The following DMTN variants were observed in gnomAD, a reference collection of about 807,000 sequenced individuals.
DMTN encodes the protein dematin actin binding protein.
DMTN carries 27 observed loss-of-function variants against 59.4 expected under a neutral mutation model. The observed-to-expected ratio is 0.45, with a 90% CI of 0.33 to 0.63. The LOEUF (loss-of-function observed/expected upper bound fraction) is 0.63. Ranked by LOEUF, DMTN falls within the 20% of genes least tolerant of loss-of-function variation. The pLI is 0.02. For synonymous variants in DMTN, 221 were observed against 203.7 expected (o/e 1.08, Z -0.72); for missense variants, 451 against 528.9 (o/e 0.85, Z 1.45).
intron 8 of DMTN, among the ~76,000 whole-genome samples, chr8:22,071,815 C>A (rs928187546): frequency 6.6e-6 from 1 of 152,176 alleles, no homozygotes; most frequent in Non-Finnish European, 1.5e-5. Context: ...CTCCTGACCT[C>A]GTGATCCGCC....
chr8:22,053,347 A>G, upstream of DMTN, among the ~76,000 whole-genome samples: 1 of 152,176 alleles, frequency 6.6e-6, no homozygotes, highest in Non-Finnish European at 1.5e-5. Flanking sequence ...CAATGCCCGG[A>G]GGCAGGGGCA....
chr8:22,049,910 T>C (rs1801169969), upstream of DMTN, among the ~76,000 whole-genome samples: 1 of 151,916 alleles, frequency 6.6e-6, no homozygotes, highest in Non-Finnish European at 1.5e-5. Flanking sequence ...CCTCGTCCAG[T>C]GAAAATGGGA....
chr8:22,050,273 C>T (rs751319631), upstream of DMTN, among the ~76,000 whole-genome samples: 10 of 151,798 alleles, frequency 6.6e-5, no homozygotes, highest in Non-Finnish European at 1.3e-4. Context: ...TGGGGGCCCC[C>T]CAGGTGTAGA....
At position 22,082,255 on chromosome 8, in the gene DMTN, C is replaced by T. The variant is rs1016253675; in HGVS notation, c.*792C>T. Reference sequence around the variant, plus strand: ...GAGTGTCCTGGCTACCAGCTCTCACCTACACCCACGCACCCCCCCACACAC... The same window carrying T: ...GAGTGTCCTGGCTACCAGCTCTCACTTACACCCACGCACCCCCCCACACAC... On this transcript the variant is annotated 3_prime_UTR_variant, in exon 16 of 16. Coordinates refer to ENST00000358242, the MANE Select transcript of DMTN (RefSeq NM_001387751.1). 2 of 456,924 alleles carry T rather than the reference C, an allele frequency of 4.4e-6. No individual in the cohort carries two copies. The highest frequency in any genetic ancestry group is 4.0e-5 in the African/African-American group (2 of 50,066). The allele number at this position is 456,924 out of a possible 1,614,324, so 28.3% of individuals were successfully genotyped here. A position where few individuals can be genotyped will look rare whatever the true frequency, so the allele number is the denominator to read the frequency against.
At chr8:22,067,379 A>C (rs1330581476) in intron 3 of DMTN, 148 bp from the exon 4 acceptor site, 44 of 1,266,464 alleles carry the variant, frequency 3.5e-5, no homozygotes, top group Non-Finnish European at 4.7e-5. Flanking sequence ...ATCATGTTTT[A>C]AGGTGACTAA....
chr8:22,079,253 T>C, intron 10 of DMTN, among the ~76,000 whole-genome samples: 1 of 49,728 alleles, frequency 2.0e-5, no homozygotes, highest in Admixed American at 3.0e-4. Context: ...CTACAAAAAA[T>C]AAAAATAAAT....
chr8:22,079,177 A>C (rs569104215), intron 10 of DMTN, among the ~76,000 whole-genome samples: 1 of 150,542 alleles, frequency 6.6e-6, no homozygotes, highest in South Asian at 2.1e-4. Flanking sequence ...TGGGAAGCCA[A>C]GGTGGGAGGA....
rs1415927723 is a variant in DMTN, at chr8:22,070,315, C to G, written c.585C>G (p.Pro195=). 1 of 1,610,392 alleles carries G rather than the reference C, an allele frequency of 6.2e-7. No individual in the cohort carries two copies. The highest frequency in any genetic ancestry group is 1.1e-5 in the South Asian group (1 of 90,498). Residue 195 remains proline (P), a synonymous_variant, in exon 8 of 16, where the codon CCC becomes CCG. Transcript: ENST00000358242. ...TCGAAACCGACTACTGGCCATGCCCCCCGTCTCTGGCTGTTGTGGGTAGGA... is the reference window on the plus strand; with the variant it reads ...TCGAAACCGACTACTGGCCATGCCCGCCGTCTCTGGCTGTTGTGGGTAGGA... The part of the protein sequence containing the change: ...AKIETDYWPC[P]PSLAVVETEW...
chr8:22,056,352 C>T (rs763647578), upstream of DMTN, among the ~76,000 whole-genome samples: 10 of 152,190 alleles, frequency 6.6e-5, no homozygotes, highest in Non-Finnish European at 1.3e-4. Context: ...TGGCCTGTGC[C>T]TGCACCCCCA....
Position 22,080,860 on chromosome 8 carries a change from T to C in DMTN, c.1013T>C (p.Leu338Pro). Reference protein sequence around the residue: ...MDRGNSLPCVLEQKIYPYEML... With the variant: ...MDRGNSLPCVPEQKIYPYEML... ...CGGGGGAACTCCCTGCCCTGTGTGC[T>C]GGAGCAGAAGGTGAGGGGCAGGGGA... The change falls in exon 14 of 16, where the codon CTG (leucine) becomes CCG (proline). Residue 338 changes from leucine to proline, a missense_variant. Physicochemically the swap from Leu to Pro is moderately conservative, Grantham distance 98 (BLOSUM62 -3). Coordinates refer to ENST00000358242, the MANE Select transcript of DMTN (RefSeq NM_001387751.1). The C allele has an allele frequency of 6.3e-7, 1 of 1,577,922 alleles. No individual in the cohort carries two copies. Among genetic ancestry groups the C allele is most frequent in the Non-Finnish European group, 8.6e-7 (1 of 1,159,206 alleles).
intron 1 of DMTN, among the ~76,000 whole-genome samples, chr8:22,066,243 A>G (rs1810509114): frequency 6.6e-6 from 1 of 152,188 alleles, no homozygotes; most frequent in South Asian, 2.1e-4. Context: ...GGCACTCACA[A>G]AGTTTCGGAG....
In DMTN at chr8:22,068,979, C is replaced by T. The variant is rs768048909; in HGVS notation, c.250-37C>T. 1.1e-5 allele frequency: 17 copies of T among 1,608,598 alleles called. No homozygotes were observed. In the South Asian group the frequency reaches 1.7e-4, roughly 16 times the overall value. On this transcript the variant is annotated intron_variant, in intron 4 of 15. Transcript: ENST00000358242. ...AATTCTAGGGAAGAGGCTGAATCTG[C>T]CCCTGTAGCTCTGACCAGCCCCCTC...
At chr8:22,049,892 G>A (rs1408931941), upstream of DMTN, among the ~76,000 whole-genome samples, 1 of 152,172 alleles carries the variant, frequency 6.6e-6, no homozygotes, top group Non-Finnish European at 1.5e-5. Flanking sequence ...GAGGAAGTGG[G>A]GAAGGGCCCT....
intron 1 of DMTN, among the ~76,000 whole-genome samples, chr8:22,061,468 G>A (rs1451937319): frequency 2.0e-5 from 3 of 152,108 alleles, no homozygotes; most frequent in African/African-American, 7.2e-5. Context: ...TGAGTATGGG[G>A]ATATATGACC....
In DMTN at chr8:22,067,023, G is replaced by A. The variant is rs1181013059; in HGVS notation, c.19-62G>A. The A allele has an allele frequency of 7.5e-5, 109 of 1,453,144 alleles. 1 individual carries two copies. The South Asian group carries it at 8.0e-4, about 11-fold the overall frequency. The allele number at this position is 1,453,144 out of a possible 1,614,324, so 90.0% of individuals were successfully genotyped here. A position where few individuals can be genotyped will look rare whatever the true frequency, so the allele number is the denominator to read the frequency against. ...CCCCGGGTCCCCCAGGCCTAGGGCC[G>A]CCCCCGCCCCGCTCCCGCACACACG... On this transcript the variant is annotated intron_variant, in intron 2 of 15. Coordinates refer to ENST00000358242, the MANE Select transcript of DMTN (RefSeq NM_001387751.1).
intron 3 of DMTN, 136 bp downstream of exon 3, chr8:22,067,295 G>A (rs1585881694): frequency 6.1e-6 from 7 of 1,154,016 alleles, no homozygotes; most frequent in Non-Finnish European, 8.5e-6. Flanking sequence ...AGAGAACCCA[G>A]AAACCCAGAG....
Position 22,066,826 on chromosome 8 carries a change from C to A in DMTN, c.-50C>A. 2 of 1,424,414 alleles carry A rather than the reference C, an allele frequency of 1.4e-6. No homozygotes were observed. The highest frequency in any genetic ancestry group is 1.8e-6 in the Non-Finnish European group (2 of 1,087,162). 88.2% of individuals were successfully genotyped at this position (1,424,414 alleles called of 1,614,324 possible). On this transcript the variant is annotated 5_prime_UTR_variant, in exon 2 of 16. Coordinates refer to ENST00000358242, the MANE Select transcript of DMTN (RefSeq NM_001387751.1). ...CCGAGCCTGACACGCTGTCCTCTCC[C>A]CTCGCGCACAGGGCTCTGCGAGTGA...
intron 4 of DMTN, 82 bp downstream of exon 4, chr8:22,067,764 C>G (rs1811977990): frequency 6.6e-7 from 1 of 1,521,356 alleles, no homozygotes; most frequent in Non-Finnish European, 8.9e-7. Context: ...TCCCGTGCTT[C>G]CTTTCCTGGA....
chr8:22,076,204 G>A (rs1177068975), intron 10 of DMTN, among the ~76,000 whole-genome samples: 29 of 152,288 alleles, frequency 1.9e-4, no homozygotes, highest in Non-Finnish European at 1.5e-5. Context: ...GGTGGAAGGT[G>A]CATCTGGCAG....
Sources: gnomAD v4.1 joint callset for allele counts (sites outside exome capture counted in the v4.1 genomes callset) on GRCh38, gnomAD v4.1.1 for gene constraint, MANE v1.5 for transcripts, NCBI Gene and HGNC (gene_info 2026-07-23, HGNC 2026-07-21) for gene names.